Variants in MTUS2 observed in about 807,000 individuals in gnomAD.
MTUS2 encodes the protein microtubule-associated tumor suppressor candidate 2.
A neutral mutation model predicts 114.1 loss-of-function variants in MTUS2; 40 were observed. The observed-to-expected ratio is 0.35, with a 90% CI of 0.27 to 0.46. The LOEUF is 0.46. Ranked by LOEUF, MTUS2 falls within the 20% of genes least tolerant of loss-of-function variation. MTUS2 has a pLI of 1.00. For synonymous variants in MTUS2, 688 were observed against 672.0 expected, an observed-to-expected ratio of 1.02 and a Z score of -0.37; for missense variants, 1,679 against 1,705.4, an observed-to-expected ratio of 0.98 and a Z score of 0.27.
intron 9 of MTUS2, among the ~76,000 whole-genome samples, chr13:29,461,164 AAGAG>A (rs1475757677): frequency 2.0e-5 from 3 of 152,136 alleles, no homozygotes; most frequent in Admixed American, 2.0e-4. Flanking sequence ...GGAAAAGTGC[AAGAG>A]AGAGAGTGAG....
chr13:29,461,223 C>A (rs1323528891), intron 9 of MTUS2, among the ~76,000 whole-genome samples: 1 of 152,046 alleles, frequency 6.6e-6, no homozygotes, highest in African/African-American at 2.4e-5. Flanking sequence ...TGAACTCATT[C>A]TTTTATCAGA....
chr13:29,492,598 C>T, intron 11 of MTUS2, 48 bp from the exon 12 acceptor site: 3 of 1,499,010 alleles, frequency 2.0e-6, no homozygotes, highest in East Asian at 2.3e-5. Context: ...CTTGTTTTAT[C>T]CTTTTCAAAA....
At chr13:29,239,935 G>A (rs541663122) in intron 5 of MTUS2, 29 of 150,982 alleles carry the variant, frequency 1.9e-4, no homozygotes, top group African/African-American at 5.9e-4. Context: ...AAGTTTTGGG[G>A]GCCTCACAGA....
At chr13:29,247,634 C>A (rs1179498875) in intron 5 of MTUS2, among the ~76,000 whole-genome samples, 1 of 152,016 alleles carries the variant, frequency 6.6e-6, no homozygotes, top group African/African-American at 2.4e-5. Flanking sequence ...AAATGGCCAA[C>A]AAACATACGA....
At chr13:28,945,190 T>TACATACATAC (rs1555276509) in intron 2 of MTUS2, among the ~76,000 whole-genome samples, 4 of 149,062 alleles carry the variant, frequency 2.7e-5, no homozygotes, top group African/African-American at 1.0e-4. Context: ...TATATATATA[T>TACATACATAC]ATATACACCA....
intron 6 of MTUS2, among the ~76,000 whole-genome samples, chr13:29,316,186 C>T (rs561265597): frequency 6.6e-6 from 1 of 152,284 alleles, no homozygotes; most frequent in South Asian, 2.1e-4. Flanking sequence ...TGTGGGGCCT[C>T]ATGTTCTAGT....
chr13:29,352,698 C>A (rs1467103726), intron 7 of MTUS2, among the ~76,000 whole-genome samples: 1 of 152,142 alleles, frequency 6.6e-6, no homozygotes, highest in Non-Finnish European at 1.5e-5. Context: ...CTTTTGATGG[C>A]TGAATAATAT....
At chr13:28,937,804 C>T (rs1328323314) in intron 2 of MTUS2, among the ~76,000 whole-genome samples, 1 of 152,092 alleles carries the variant, frequency 6.6e-6, no homozygotes, top group African/African-American at 2.4e-5. Flanking sequence ...GTGACTGGCT[C>T]CTGTGGCTGG....
chr13:28,978,110 T>C (rs2138282399), intron 2 of MTUS2, among the ~76,000 whole-genome samples: 1 of 152,352 alleles, frequency 6.6e-6, no homozygotes, highest in Admixed American at 6.5e-5. Flanking sequence ...CTGCTACATT[T>C]ACCTTGCCAC....
intron 4 of MTUS2, among the ~76,000 whole-genome samples, chr13:29,035,305 C>T (rs1887012084): frequency 6.6e-6 from 1 of 152,196 alleles, no homozygotes; most frequent in Non-Finnish European, 1.5e-5. Flanking sequence ...ATCACTCCTA[C>T]AGGGCATGGA....
intron 5 of MTUS2, among the ~76,000 whole-genome samples, chr13:29,281,246 C>T (rs1027485533): frequency 2.6e-5 from 4 of 152,168 alleles, no homozygotes; most frequent in Non-Finnish European, 5.9e-5. Context: ...AATTCCTGGG[C>T]TCATGGTACA....
intron 6 of MTUS2, among the ~76,000 whole-genome samples, chr13:29,324,072 CGAA>C (rs1900373231): frequency 6.6e-6 from 1 of 152,152 alleles, no homozygotes; most frequent in Non-Finnish European, 1.5e-5. Context: ...GCAAGTTCCA[CGAA>C]GGCTTAGCTG....
chr13:29,139,277 T>C (rs1254203800), intron 5 of MTUS2, among the ~76,000 whole-genome samples: 1 of 152,226 alleles, frequency 6.6e-6, no homozygotes, highest in Non-Finnish European at 1.5e-5. Flanking sequence ...ATTTTTTCTT[T>C]CTTGGATTTT....
At chr13:29,073,349 C>G (rs189508819) in intron 4 of MTUS2, among the ~76,000 whole-genome samples, 2 of 152,162 alleles carry the variant, frequency 1.3e-5, no homozygotes, top group Non-Finnish European at 2.9e-5. Flanking sequence ...TACCTTCAAC[C>G]AATCTCTTCA....
chr13:29,417,616 A>G (rs1171772940), intron 8 of MTUS2, among the ~76,000 whole-genome samples: 1 of 152,100 alleles, frequency 6.6e-6, no homozygotes, highest in Non-Finnish European at 1.5e-5. Context: ...CATTTTTGAG[A>G]TAACTTTGTC....
intron 9 of MTUS2, among the ~76,000 whole-genome samples, chr13:29,472,498 A>G (rs1880396025): frequency 6.6e-6 from 1 of 152,188 alleles, no homozygotes; most frequent in African/African-American, 2.4e-5. Flanking sequence ...CCTGTGACCT[A>G]ACGGGTTTGG....
In MTUS2 at chr13:28,942,257, A is replaced by G. The variant is rs1382076764; in HGVS notation, c.-242-82200A>G. Among the ~76,000 whole-genome samples the G allele has an allele frequency of 3.3e-5, 5 of 152,200 alleles. 1 individual carries two copies. Among genetic ancestry groups the G allele is most frequent in the African/African-American group, 1.2e-4 (5 of 41,446 alleles). On this transcript the variant is annotated intron_variant, in intron 2 of 15. Transcript: ENST00000612955. The stretch of plus-strand genomic sequence containing the variant: ...CTCAACCTCATTAGTCATCAGGGAA[A>G]TGCAACGAAACCACAATGAGATACC...
chr13:29,437,407 T>C (rs17599846), intron 8 of MTUS2, among the ~76,000 whole-genome samples: 4,199 of 152,290 alleles, frequency 0.028, 93 homozygotes, highest in Non-Finnish European at 0.042. Flanking sequence ...AGCAAGTTGG[T>C]TTTTCCACTA....
intron 4 of MTUS2, among the ~76,000 whole-genome samples, chr13:29,091,887 AG>A (rs1889967717): frequency 6.6e-6 from 1 of 152,250 alleles, no homozygotes; most frequent in East Asian, 1.9e-4. Flanking sequence ...AAGAAGGAAC[AG>A]TGCAGAGTAC....
Sources: gnomAD v4.1 joint callset for allele counts (sites outside exome capture counted in the v4.1 genomes callset) on GRCh38, gnomAD v4.1.1 for gene constraint, MANE v1.5 for transcripts, NCBI Gene and HGNC (gene_info 2026-07-23, HGNC 2026-07-21) for gene names.